Variants in FBP1 observed in about 807,000 individuals in gnomAD.
FBP1 encodes the protein fructose-1,6-bisphosphatase 1.
Under a neutral mutation model 29.9 loss-of-function variants are expected in FBP1, and 22 were observed. That is an observed-to-expected ratio of 0.74 (90% CI 0.53 to 1.05). The LOEUF is 1.05. Among genes scored for constraint, FBP1 ranks in the 50% least tolerant of loss-of-function variants. The probability of loss-of-function intolerance (pLI) is 0.00; values close to 1 mark genes in which losing one functional copy is unlikely to be tolerated. For missense variants in FBP1, 345 were observed against 448.2 expected (o/e 0.77, Z 2.08); for synonymous variants, 175 against 178.6 (o/e 0.98, Z 0.16).
intron 3 of FBP1, among the ~76,000 whole-genome samples, chr9:94,616,754 TAAAAC>T (rs912412439): frequency 2.4e-4 from 37 of 152,178 alleles, no homozygotes; most frequent in African/African-American, 8.2e-4. Context: ...TTTGAAAAAA[TAAAAC>T]AAAACAAGAG....
At chr9:94,627,094 A>G (rs1828036576) in intron 1 of FBP1, among the ~76,000 whole-genome samples, 1 of 152,032 alleles carries the variant, frequency 6.6e-6, no homozygotes, top group African/African-American at 2.4e-5. Context: ...AGGCTGAGGC[A>G]GGAGAATCGC....
intron 1 of FBP1, among the ~76,000 whole-genome samples, chr9:94,625,974 T>C (rs1828020767): frequency 6.6e-6 from 1 of 152,140 alleles, no homozygotes; most frequent in African/African-American, 2.4e-5. Flanking sequence ...TGGGGCTGCC[T>C]GCGTCCACCA....
At chr9:94,629,852 C>T (rs1773054959) in intron 1 of FBP1, among the ~76,000 whole-genome samples, 1 of 152,182 alleles carries the variant, frequency 6.6e-6, no homozygotes, top group Admixed American at 6.5e-5. Context: ...CTTAAGAGGC[C>T]TGGGCCCAAC....
At chr9:94,625,021 G>A (rs1290035308) in intron 1 of FBP1, among the ~76,000 whole-genome samples, 1 of 151,868 alleles carries the variant, frequency 6.6e-6, no homozygotes, top group East Asian at 2.0e-4. Flanking sequence ...CCAAACACAG[G>A]GGCACCGTGA....
intron 1 of FBP1, among the ~76,000 whole-genome samples, chr9:94,630,956 G>T (rs1331006607): frequency 6.6e-6 from 1 of 152,190 alleles, no homozygotes; most frequent in Non-Finnish European, 1.5e-5. Flanking sequence ...TTGATCTGGG[G>T]ATTGGGGGAA....
At chr9:94,631,843 A>G (rs148421386) in intron 1 of FBP1, among the ~76,000 whole-genome samples, 146 of 152,268 alleles carry the variant, frequency 9.6e-4, no homozygotes, top group African/African-American at 3.3e-3. Context: ...CCAGCCAGGA[A>G]CATCCAAAGG....
chr9:94,610,156 T>C, intron 3 of FBP1, 95 bp from the exon 4 acceptor site: 1 of 1,299,354 alleles, frequency 7.7e-7, no homozygotes, highest in South Asian at 1.3e-5. Context: ...CAAGGTGCTC[T>C]TCTAATGAAA....
intron 1 of FBP1, among the ~76,000 whole-genome samples, chr9:94,636,527 T>C (rs1443675324): frequency 6.6e-6 from 1 of 151,852 alleles, no homozygotes; most frequent in Admixed American, 6.6e-5. Context: ...AAAATTAACA[T>C]GCTTCATCCA....
rs565136293 is a variant in FBP1 at position 94,606,947 on chromosome 9, G to A, written c.573C>T (p.Ile191=). Residue 191 remains isoleucine (I), a synonymous_variant, in exon 5 of 7, where the codon ATC becomes ATT. Transcript: ENST00000375326. ...CCTTGTCCACCAAAATGAACTCCCC[G>A]ATGGCCTTTTTAGACAAGGAAGGAA... The part of the protein sequence containing the change: ...GVNCFMLDPA[I]GEFILVDKDV... The A allele has an allele frequency of 6.8e-6, 11 of 1,614,092 alleles. No homozygotes were observed. Among genetic ancestry groups the A allele is most frequent in the South Asian group, 3.3e-5 (3 of 91,068 alleles).
At chr9:94,626,826 G>T (rs1282564246) in intron 1 of FBP1, among the ~76,000 whole-genome samples, 1 of 152,170 alleles carries the variant, frequency 6.6e-6, no homozygotes, top group Non-Finnish European at 1.5e-5. Context: ...GCTAAGGCAG[G>T]CGGATTACCT....
rs574813597 is a variant in FBP1 at position 94,605,587 on chromosome 9, A to T, written c.706-11T>A. 10 of 1,613,618 alleles carry T rather than the reference A, an allele frequency of 6.2e-6. No individual in the cohort carries two copies. The African/African-American group carries it at 6.7e-5, about 11-fold the overall frequency. On this transcript the variant is annotated splice_polypyrimidine_tract_variant and intron_variant, in intron 5 of 6. Coordinates refer to ENST00000375326, the MANE Select transcript of FBP1 (RefSeq NM_000507.4). ...AGGAGCTGAATTATCCTGCAAGTTAAGACCAGCAAGAATTAGGATTGCAGA... is the reference window on the plus strand; with the variant it reads ...AGGAGCTGAATTATCCTGCAAGTTATGACCAGCAAGAATTAGGATTGCAGA...
At chr9:94,632,447 A>G (rs1371314820) in intron 1 of FBP1, among the ~76,000 whole-genome samples, 1 of 152,230 alleles carries the variant, frequency 6.6e-6, no homozygotes, top group African/African-American at 2.4e-5. Flanking sequence ...AGGCGGGTGG[A>G]TGACGAAGTG....
chr9:94,605,657 T>C, intron 5 of FBP1, 81 bp from the exon 6 acceptor site: 1 of 1,410,740 alleles, frequency 7.1e-7, no homozygotes, highest in East Asian at 2.4e-5. Context: ...GTTTCTTTGA[T>C]TCCACATCCA....
chr9:94,611,848 C>T (rs909818632), intron 3 of FBP1, among the ~76,000 whole-genome samples: 5 of 152,198 alleles, frequency 3.3e-5, no homozygotes, highest in Non-Finnish European at 7.3e-5. Flanking sequence ...TTGCACTATG[C>T]AATGTGAAGG....
chr9:94,639,089 G>C, intron 1 of FBP1, 52 bp downstream of exon 1: 33 of 1,545,790 alleles, frequency 2.1e-5, no homozygotes, highest in Non-Finnish European at 2.9e-5. Context: ...CGCCGGGCAG[G>C]CTCCCCAGGC....
chr9:94,613,691 G>A (rs565375863), intron 3 of FBP1, among the ~76,000 whole-genome samples: 6 of 152,186 alleles, frequency 3.9e-5, no homozygotes, highest in South Asian at 2.1e-4. Flanking sequence ...GCTTAAACCC[G>A]GGAGGGTGAG....
chr9:94,613,027 C>T (rs2131480600), intron 3 of FBP1, among the ~76,000 whole-genome samples: 1 of 152,318 alleles, frequency 6.6e-6, no homozygotes, highest in East Asian at 1.9e-4. Context: ...GGCTCCATGT[C>T]ATCACATATT....
intron 1 of FBP1, among the ~76,000 whole-genome samples, chr9:94,630,132 G>GA (rs1274882364): frequency 6.6e-6 from 1 of 152,178 alleles, no homozygotes; most frequent in African/African-American, 2.4e-5. Context: ...CTTGATCCTG[G>GA]AAAAAAGAAT....
rs778834711 is a variant in FBP1, at chr9:94,603,537, G to A, written c.861C>T (p.Tyr287=). The stretch of plus-strand genomic sequence containing the variant: ...CCATTCCCCCAGCCTTCTCCATGAC[G>A]TAGGCCATGGGGTTGCATTCGTACA... ...RLLYECNPMA[Y]VMEKAGGMAT... The change falls in exon 7 of 7, where the codon TAC becomes TAT. Residue 287 remains tyrosine (Y), a synonymous_variant. Transcript: ENST00000375326. 1.5e-5 allele frequency: 24 copies of A among 1,613,996 alleles called. No homozygotes were observed. The East Asian group carries it at 2.2e-4, about 15-fold the overall frequency.
Sources: allele counts gnomAD v4.1 joint callset (sites outside exome capture counted in the v4.1 genomes callset), GRCh38; gene constraint gnomAD v4.1.1; transcripts MANE v1.5; gene names NCBI Gene and HGNC (gene_info 2026-07-23, HGNC 2026-07-21).